Variants in KIAA1671 observed in about 807,000 individuals in gnomAD.
KIAA1671 encodes KIAA1671.
KIAA1671 carries 52 observed loss-of-function variants against 131.2 expected under a neutral mutation model. The observed-to-expected ratio is 0.40, with a 90% CI of 0.32 to 0.50. KIAA1671 has a LOEUF of 0.50. Ranked by LOEUF, KIAA1671 falls within the 20% of genes least tolerant of loss-of-function variation. The pLI is 0.73. For missense variants in KIAA1671, 2,360 were observed against 2,364.2 expected (o/e 1.00, Z 0.04); for synonymous variants, 1,003 against 961.6 (o/e 1.04, Z -0.80).
chr22:25,059,223 T>C (rs984799674), intron 6 of KIAA1671: 1 of 152,250 alleles, frequency 6.6e-6, no homozygotes, highest in African/African-American at 2.4e-5. Context: ...TCCCAGCACT[T>C]TGGGAGGCCA....
chr22:25,077,801 G>T (rs563936061), intron 6 of KIAA1671, among the ~76,000 whole-genome samples: 15 of 152,336 alleles, frequency 9.8e-5, no homozygotes, highest in Non-Finnish European at 1.6e-4. Flanking sequence ...AAATCTAAAT[G>T]TGGTTAGTTC....
At chr22:24,966,365 A>G (rs1922306772) in intron 1 of KIAA1671, among the ~76,000 whole-genome samples, 1 of 152,170 alleles carries the variant, frequency 6.6e-6, no homozygotes, top group Non-Finnish European at 1.5e-5. Context: ...CACCGAGGTC[A>G]CTGTACACTC....
intron 1 of KIAA1671, among the ~76,000 whole-genome samples, chr22:24,975,352 T>C (rs1220517675): frequency 5.3e-5 from 8 of 151,516 alleles, no homozygotes; most frequent in Non-Finnish European, 1.0e-4. Flanking sequence ...AGCATCCCAC[T>C]GTGTCACCCA....
intron 1 of KIAA1671, chr22:25,013,854 G>A (rs796179244): frequency 5.3e-5 from 8 of 152,228 alleles, no homozygotes; most frequent in African/African-American, 1.9e-4. Context: ...CATAAAGCAG[G>A]GCCAGTAAAA....
intron 6 of KIAA1671, among the ~76,000 whole-genome samples, chr22:25,164,978 C>CGGGT (rs1933592577): frequency 8.6e-6 from 1 of 116,584 alleles, no homozygotes; most frequent in Non-Finnish European, 1.7e-5. Context: ...GAGTTGCAGG[C>CGGGT]GTGTGTGTGT....
chr22:25,072,116 G>T (rs983464496), intron 6 of KIAA1671, among the ~76,000 whole-genome samples: 2 of 152,170 alleles, frequency 1.3e-5, no homozygotes, highest in African/African-American at 4.8e-5. Flanking sequence ...TGTGCAAAGG[G>T]CTGGGGTGGA....
chr22:25,177,384 C>G lies in KIAA1671; in HGVS notation c.4936C>G (p.Arg1646Gly). 1 of 1,551,790 alleles carries G rather than the reference C, an allele frequency of 6.4e-7. No homozygotes were observed. The highest frequency in any genetic ancestry group is 8.7e-7 in the Non-Finnish European group (1 of 1,147,040). ...SVLDSSALKT[R>G]VQLSKRSRRR... is the part of the protein sequence containing the mutation. ...CCTCGACTCAAGTGCCCTCAAGACC[C>G]GGGTGCAGCTCAGCAAGAGAAGCCG... The change falls in exon 9 of 13, where the codon CGG (arginine) becomes GGG (glycine). Residue 1646 changes from arginine (R) to glycine (G), a missense_variant. Arg to Gly is a moderately radical substitution (Grantham distance 125). Transcript: ENST00000358431.
chr22:24,963,926 C>T (rs1384830745), intron 1 of KIAA1671, among the ~76,000 whole-genome samples: 4 of 137,000 alleles, frequency 2.9e-5, no homozygotes, highest in Admixed American at 7.6e-5. Flanking sequence ...GGTGACAGAG[C>T]GAGATTCCAT....
chr22:25,052,814 T>G (rs1467051664), intron 6 of KIAA1671: 2 of 152,190 alleles, frequency 1.3e-5, no homozygotes, highest in Non-Finnish European at 2.9e-5. Context: ...CCTCCCGGGT[T>G]CAAGTGATTC....
chr22:25,137,662 C>A (rs986363667), intron 6 of KIAA1671, among the ~76,000 whole-genome samples: 1 of 152,228 alleles, frequency 6.6e-6, no homozygotes, highest in Non-Finnish European at 1.5e-5. Context: ...GCACAGTTTA[C>A]CAACTTCTAT....
At position 25,093,834 on chromosome 22, in the gene KIAA1671, GTCTGTC is replaced by G. The variant is rs1568951589; in HGVS notation, c.4530+44474_4530+44479del. 1.3e-3 allele frequency among the ~76,000 whole-genome samples: 22 copies of G among 16,956 alleles called. 2 individuals are homozygous for G. Among genetic ancestry groups the G allele is most frequent in the Admixed American group, 2.3e-3 (4 of 1,772 alleles). The allele number at this position is 16,956 out of a possible 152,430, so 11.1% of individuals were successfully genotyped here. A position where few individuals can be genotyped will look rare whatever the true frequency, so the allele number is the denominator to read the frequency against. ...TCTGTCTCTCTCTCTTTCTCTCTCT[GTCTGTC>G]TCTCTCTCTCTCTCTCTCTCTCTCT... On this transcript the variant is annotated intron_variant, in intron 6 of 12. Coordinates refer to ENST00000358431, the MANE Select transcript of KIAA1671 (RefSeq NM_001145206.2).
intron 6 of KIAA1671, among the ~76,000 whole-genome samples, chr22:25,147,338 G>A (rs1487830743): frequency 2.0e-5 from 3 of 151,920 alleles, no homozygotes; most frequent in Admixed American, 6.6e-5. Flanking sequence ...GATGACAGAC[G>A]TGTGCCACCA....
At chr22:25,152,330 G>C (rs1348486533) in intron 6 of KIAA1671, among the ~76,000 whole-genome samples, 1 of 152,198 alleles carries the variant, frequency 6.6e-6, no homozygotes, top group Admixed American at 6.5e-5. Flanking sequence ...GCACATTGCT[G>C]AGTGGGTTTA....
chr22:25,043,135 G>T (rs936291842), intron 5 of KIAA1671, among the ~76,000 whole-genome samples: 1 of 150,682 alleles, frequency 6.6e-6, no homozygotes, highest in South Asian at 2.1e-4. Context: ...AGGAGGAAGG[G>T]ATCACTTTAA....
At chr22:24,981,691 T>C (rs1426537808) in intron 1 of KIAA1671, among the ~76,000 whole-genome samples, 1 of 152,174 alleles carries the variant, frequency 6.6e-6, no homozygotes, top group Non-Finnish European at 1.5e-5. Context: ...GGAAGATTGC[T>C]TGAGCCAGGA....
intron 6 of KIAA1671, among the ~76,000 whole-genome samples, chr22:25,078,979 A>G (rs1220862322): frequency 1.3e-5 from 2 of 152,172 alleles, no homozygotes; most frequent in Non-Finnish European, 2.9e-5. Flanking sequence ...TAGCCCTCCC[A>G]GAAACTCAGT....
chr22:25,119,024 A>G (rs987955523), intron 6 of KIAA1671, among the ~76,000 whole-genome samples: 6 of 151,952 alleles, frequency 3.9e-5, no homozygotes, highest in African/African-American at 1.2e-4. Flanking sequence ...TACTTATTTC[A>G]TGTCACTTGT....
intron 6 of KIAA1671, among the ~76,000 whole-genome samples, chr22:25,087,847 T>C (rs1247241768): frequency 6.6e-6 from 1 of 152,120 alleles, no homozygotes; most frequent in Non-Finnish European, 1.5e-5. Flanking sequence ...GAGAGGGGGC[T>C]GTGAGCCATA....
chr22:25,104,811 T>G (rs1930904794), intron 6 of KIAA1671, among the ~76,000 whole-genome samples: 1 of 152,170 alleles, frequency 6.6e-6, no homozygotes. Flanking sequence ...TTTTTGTATT[T>G]GATTTTGGGG....
Sources: allele counts gnomAD v4.1 joint callset (sites outside exome capture counted in the v4.1 genomes callset), GRCh38; gene constraint gnomAD v4.1.1; transcripts MANE v1.5; gene names NCBI Gene and HGNC (gene_info 2026-07-23, HGNC 2026-07-21).